Variants in LEPR observed in about 807,000 individuals in gnomAD.
LEPR encodes the protein leptin receptor, also known as OB receptor.
A neutral mutation model predicts 114.7 loss-of-function variants in LEPR; 56 were observed. The ratio of observed to expected loss-of-function variants is 0.49; its 90% confidence interval spans 0.39 to 0.61. The LOEUF (loss-of-function observed/expected upper bound fraction) is 0.61. LEPR is among the 20% of genes least tolerant of loss of function. The probability of loss-of-function intolerance (pLI) is 0.00; values close to 1 mark genes in which losing one functional copy is unlikely to be tolerated. For missense variants in LEPR, 1,202 were observed against 1,352.9 expected (o/e 0.89, Z 1.75); for synonymous variants, 443 against 461.4 (o/e 0.96, Z 0.51).
intron 7 of LEPR, among the ~76,000 whole-genome samples, chr1:65,597,380 T>A (rs1012895103): frequency 6.6e-6 from 1 of 152,100 alleles, no homozygotes; most frequent in Non-Finnish European, 1.5e-5. Context: ...GAACACCTGC[T>A]ACATGCCTGG....
chr1:65,430,101 G>A lies in LEPR; in HGVS notation c.-21+4723G>A, dbSNP rs1646457551. Reference sequence around the variant, plus strand: ...CAACCGTTGCTGAGTTTACTTCAGAGGCCTGTGTCTGGGACCTCCATTTCA... The same window carrying A: ...CAACCGTTGCTGAGTTTACTTCAGAAGCCTGTGTCTGGGACCTCCATTTCA... On this transcript the variant is annotated intron_variant, in intron 2 of 19. Transcript: ENST00000349533. 6 of 1,442,058 alleles carry A rather than the reference G, an allele frequency of 4.2e-6. No homozygotes were observed. In the Admixed American group the frequency reaches 7.7e-5, roughly 19 times the overall value. 89.3% of individuals were successfully genotyped at this position (1,442,058 alleles called of 1,614,324 possible). A position where few individuals can be genotyped will look rare whatever the true frequency, so the allele number is the denominator to read the frequency against.
At chr1:65,433,215 C>T (rs993482849) in intron 2 of LEPR, 34 of 985,286 alleles carry the variant, frequency 3.5e-5, no homozygotes, top group South Asian at 4.7e-5. Flanking sequence ...GACTTCTCTA[C>T]GGCTCTGGCT....
Position 65,600,694 on chromosome 1 carries a change from G to T in LEPR, c.995-698G>T, listed in dbSNP as rs543196111. On this transcript the variant is annotated intron_variant, in intron 8 of 19. Coordinates refer to ENST00000349533, the MANE Select transcript of LEPR (RefSeq NM_002303.6). ...GCAAATGAAATTTACAACAACAGAG[G>T]ACTTTAAAAATAGTATAGAATCATG... 2.0e-5 allele frequency among the ~76,000 whole-genome samples: 3 copies of T among 151,866 alleles called. No individual in the cohort carries two copies. The East Asian group carries it at 5.8e-4, about 29-fold the overall frequency.
chr1:65,507,479 ATATATGTATATATG>A (rs1215055427), intron 2 of LEPR, among the ~76,000 whole-genome samples: 9 of 146,222 alleles, frequency 6.2e-5, no homozygotes, highest in African/African-American at 2.3e-4. Flanking sequence ...ATATACACAT[ATATATGTATATATG>A]TGTGTGTATA....
chr1:65,633,835 G>A lies in LEPR; in HGVS notation c.2674-2356G>A. The A allele has an allele frequency of 1.0e-6, 1 of 985,606 alleles. No individual in the cohort carries two copies. Among genetic ancestry groups the A allele is most frequent in the Non-Finnish European group, 1.2e-6 (1 of 830,120 alleles). 61.1% of individuals were successfully genotyped at this position (985,606 alleles called of 1,614,324 possible). A position where few individuals can be genotyped will look rare whatever the true frequency, so the allele number is the denominator to read the frequency against. On this transcript the variant is annotated intron_variant, in intron 19 of 19. Coordinates refer to ENST00000349533, the MANE Select transcript of LEPR (RefSeq NM_002303.6). This position sits in a 1 kb window ranked among gnomAD's most constrained non-coding sequence, Gnocchi z 4.1. The stretch of plus-strand genomic sequence containing the variant: ...CGTTTCAGTTAAAAGGAAGCCCGAA[G>A]TTGTGTTTGTGCTGCCCACAGGACA...
chr1:65,638,137 T>TC lies in LEPR; in HGVS notation c.*1123dup. On this transcript the variant is annotated 3_prime_UTR_variant, in exon 20 of 20. Transcript: ENST00000349533. ...GCTGAGGCGGGTGGATCGCTTGAGC[T>TC]CAGAAGTCTTGAAACTAGCCGGGGC... 6.6e-6 allele frequency: 1 copy of TC among 152,150 alleles called. No homozygotes were observed. Among genetic ancestry groups the TC allele is most frequent in the South Asian group, 2.1e-4 (1 of 4,816 alleles). 9.4% of individuals were successfully genotyped at this position (152,150 alleles called of 1,614,324 possible). A position where few individuals can be genotyped will look rare whatever the true frequency, so the allele number is the denominator to read the frequency against.
chr1:65,426,997 C>CAA (rs55809705), intron 2 of LEPR, among the ~76,000 whole-genome samples: 2 of 137,302 alleles, frequency 1.5e-5, no homozygotes, highest in Non-Finnish European at 3.2e-5. Flanking sequence ...ACTTTGTCTC[C>CAA]AAAAAAAAAA....
intron 2 of LEPR, among the ~76,000 whole-genome samples, chr1:65,549,011 C>G (rs1557655173): frequency 6.6e-6 from 1 of 151,852 alleles, no homozygotes; most frequent in African/African-American, 2.4e-5. Flanking sequence ...CTGGTGGTGA[C>G]AAAATCTCTC....
chr1:65,543,892 A>C (rs985309465), intron 2 of LEPR, among the ~76,000 whole-genome samples: 2 of 151,928 alleles, frequency 1.3e-5, no homozygotes, highest in Admixed American at 1.3e-4. Flanking sequence ...GTTTGAAGTC[A>C]GTTAGTGTGA....
chr1:65,437,991 A>G (rs1197489413), intron 2 of LEPR, among the ~76,000 whole-genome samples: 1 of 151,786 alleles, frequency 6.6e-6, no homozygotes, highest in Non-Finnish European at 1.5e-5. Context: ...TATTTTTTGT[A>G]GAGATGAAGT....
At position 65,518,306 on chromosome 1, in the gene LEPR, A is replaced by C. The variant is rs149611302; in HGVS notation, c.-20-47240A>C. Among the ~76,000 whole-genome samples the C allele has an allele frequency of 2.0e-3, 311 of 152,320 alleles. 2 individuals carry two copies. Among genetic ancestry groups the C allele is most frequent in the African/African-American group, 7.3e-3 (304 of 41,566 alleles). Reference sequence around the variant, plus strand: ...TATTAGAGAAATTCACTCCTGAAGAAAAGAAGCTTGTTTATAGATTTTTCT... The same window carrying C: ...TATTAGAGAAATTCACTCCTGAAGACAAGAAGCTTGTTTATAGATTTTTCT... On this transcript the variant is annotated intron_variant, in intron 2 of 19. Transcript: ENST00000349533.
At chr1:65,515,325 G>A (rs918532811) in intron 2 of LEPR, among the ~76,000 whole-genome samples, 1 of 152,190 alleles carries the variant, frequency 6.6e-6, no homozygotes, top group African/African-American at 2.4e-5. Flanking sequence ...CCTGTAGGCA[G>A]TGCAGAGACA....
At chr1:65,525,378 G>C (rs1649865358) in intron 2 of LEPR, among the ~76,000 whole-genome samples, 1 of 152,190 alleles carries the variant, frequency 6.6e-6, no homozygotes, top group South Asian at 2.1e-4. Flanking sequence ...GGCACCGCGT[G>C]CTTGCTGAGT....
At chr1:65,488,232 C>CTTTCTCTCTT (rs1647665272) in intron 2 of LEPR, among the ~76,000 whole-genome samples, 1 of 72,862 alleles carries the variant, frequency 1.4e-5, no homozygotes, top group African/African-American at 5.6e-5. Flanking sequence ...CTCTCTCTTT[C>CTTTCTCTCTT]TTTCTTTCTT....
At chr1:65,611,373 G>A (rs185572829) in intron 14 of LEPR, among the ~76,000 whole-genome samples, 5 of 152,304 alleles carry the variant, frequency 3.3e-5, no homozygotes, top group African/African-American at 7.2e-5. Context: ...AACCCACCGC[G>A]GAAGGGGGCA....
chr1:65,454,144 C>T (rs904062732), intron 2 of LEPR, among the ~76,000 whole-genome samples: 4 of 151,748 alleles, frequency 2.6e-5, no homozygotes, highest in African/African-American at 9.7e-5. Context: ...GGTAGATCTT[C>T]CTCCATCCTT....
Position 65,633,378 on chromosome 1 carries a change from G to A in LEPR, c.2674-2813G>A. ...GGTTCAAAATGTAGATTTGAGTCCAGTTTGGATGTGTGATTAATTTTCAAA... is the reference window on the plus strand; with the variant it reads ...GGTTCAAAATGTAGATTTGAGTCCAATTTGGATGTGTGATTAATTTTCAAA... On this transcript the variant is annotated intron_variant, in intron 19 of 19. Transcript: ENST00000349533. This position sits in a 1 kb window ranked among gnomAD's most constrained non-coding sequence, Gnocchi z 4.1. The A allele has an allele frequency of 8.3e-6, 11 of 1,325,866 alleles. No homozygotes were observed. The highest frequency in any genetic ancestry group is 1.1e-5 in the Non-Finnish European group (11 of 1,039,682). 82.1% of individuals were successfully genotyped at this position (1,325,866 alleles called of 1,614,324 possible).
Position 65,637,347 on chromosome 1 carries a change from T to C in LEPR, c.*332T>C. Reference sequence around the variant, plus strand: ...GGGCGTGTTGTTTTACCTCAAGTTTTTGTTTTGTACCAACACACACACACA... The same window carrying C: ...GGGCGTGTTGTTTTACCTCAAGTTTCTGTTTTGTACCAACACACACACACA... On this transcript the variant is annotated 3_prime_UTR_variant, in exon 20 of 20. Coordinates refer to ENST00000349533, the MANE Select transcript of LEPR (RefSeq NM_002303.6). The C allele has an allele frequency of 4.5e-6, 1 of 221,272 alleles. No individual in the cohort carries two copies. Among genetic ancestry groups the C allele is most frequent in the East Asian group, 1.1e-4 (1 of 8,758 alleles). The allele number at this position is 221,272 out of a possible 1,614,324, so 13.7% of individuals were successfully genotyped here.
intron 5 of LEPR, among the ~76,000 whole-genome samples, chr1:65,586,231 C>T (rs1299017626): frequency 6.6e-6 from 1 of 150,484 alleles, no homozygotes; most frequent in Non-Finnish European, 1.5e-5. Flanking sequence ...GTTTTCTTAC[C>T]TGTAAAGTAG....
Sources: gnomAD v4.1 joint callset for allele counts (sites outside exome capture counted in the v4.1 genomes callset) on GRCh38, gnomAD v4.1.1 for gene constraint, Gnocchi (gnomAD v3.1) non-coding constraint, MANE v1.5 for transcripts, NCBI Gene and HGNC (gene_info 2026-07-23, HGNC 2026-07-21) for gene names.